RBFOX1: variants seen among roughly 807,000 people sequenced by gnomAD.
RBFOX1 encodes RNA binding fox-1 homolog 1.
RBFOX1 carries 8 observed loss-of-function variants against 57.7 expected under a neutral mutation model. That is an observed-to-expected ratio of 0.14 (90% CI 0.08 to 0.25). The LOEUF is 0.25. RBFOX1 is among the 10% of genes least tolerant of loss of function. The pLI, the probability that RBFOX1 is intolerant of heterozygous loss-of-function variation, is 1.00. For synonymous variants in RBFOX1, 326 were observed against 222.4 expected (o/e 1.47, Z -4.15); for missense variants, 611 against 548.5 (o/e 1.11, Z -1.14).
At chr16:7,051,108 G>T (rs527683819) in intron 3 of RBFOX1, among the ~76,000 whole-genome samples, 4 of 152,082 alleles carry the variant, frequency 2.6e-5, no homozygotes, top group Admixed American at 2.6e-4. Context: ...TGGAAGTCGG[G>T]AGTTGTTTCA....
At chr16:6,420,957 C>G (rs2093754816) in intron 2 of RBFOX1, among the ~76,000 whole-genome samples, 1 of 152,204 alleles carries the variant, frequency 6.6e-6, no homozygotes, top group Non-Finnish European at 1.5e-5. Flanking sequence ...GACTGAAGGG[C>G]TCTTTCTTCC....
chr16:7,280,974 TCC>T (rs2095530916), intron 4 of RBFOX1, among the ~76,000 whole-genome samples: 3 of 29,470 alleles, frequency 1.0e-4, no homozygotes, highest in African/African-American at 3.5e-4. Flanking sequence ...CCTCCCTCCC[TCC>T]CTCCCTCCCT....
At chr16:7,324,133 C>G (rs542271732) in intron 4 of RBFOX1, among the ~76,000 whole-genome samples, 1 of 152,162 alleles carries the variant, frequency 6.6e-6, no homozygotes, top group African/African-American at 2.4e-5. Context: ...ATTTCTCCAA[C>G]TCATTTGTCC....
intron 5 of RBFOX1, among the ~76,000 whole-genome samples, chr16:7,531,444 A>T (rs2080053492): frequency 6.6e-6 from 1 of 152,124 alleles, no homozygotes; most frequent in African/African-American, 2.4e-5. Context: ...ACTATAATTA[A>T]CCCCTTATGG....
chr16:6,246,779 C>G (rs1284562123), intron 1 of RBFOX1, among the ~76,000 whole-genome samples: 1 of 152,130 alleles, frequency 6.6e-6, no homozygotes, highest in Admixed American at 6.6e-5. Context: ...AAACTCCAGT[C>G]CATTGTAGGC....
intron 1 of RBFOX1, among the ~76,000 whole-genome samples, chr16:6,087,464 C>T (rs1290500470): frequency 6.6e-6 from 1 of 152,034 alleles, no homozygotes. Context: ...ACTTTCTAGC[C>T]TTTTTTCTCT....
At chr16:5,904,845 T>C (rs192554714) in intron 4 of RBFOX1, among the ~76,000 whole-genome samples, 3,445 of 151,164 alleles carry the variant, frequency 0.023, 56 homozygotes, top group Middle Eastern at 0.041. Context: ...GGCATGGTGG[T>C]GGGCGCCTGT....
intron 3 of RBFOX1, among the ~76,000 whole-genome samples, chr16:6,735,923 A>G (rs1482950452): frequency 6.7e-6 from 1 of 149,918 alleles, no homozygotes; most frequent in African/African-American, 2.5e-5. Flanking sequence ...TTTTGTCGCC[A>G]TTTTTTTTTT....
chr16:6,114,437 A>G (rs1304565348), intron 1 of RBFOX1, among the ~76,000 whole-genome samples: 1 of 152,212 alleles, frequency 6.6e-6, no homozygotes, highest in Non-Finnish European at 1.5e-5. Context: ...TTTTGTGTGT[A>G]CGTAGCTTTT....
intron 1 of RBFOX1, among the ~76,000 whole-genome samples, chr16:6,284,579 T>A (rs905012375): frequency 6.6e-6 from 1 of 152,172 alleles, no homozygotes; most frequent in African/African-American, 2.4e-5. Flanking sequence ...AACAATATTT[T>A]ATAGCTTTAA....
chr16:7,125,029 G>A (rs1192396331), intron 4 of RBFOX1, among the ~76,000 whole-genome samples: 4 of 152,088 alleles, frequency 2.6e-5, no homozygotes, highest in Admixed American at 6.6e-5. Context: ...GGAGGGGGCC[G>A]GCTTATTAAG....
intron 2 of RBFOX1, among the ~76,000 whole-genome samples, chr16:6,488,788 G>T: frequency 6.6e-6 from 1 of 152,094 alleles, no homozygotes; most frequent in East Asian, 1.9e-4. Context: ...GTCTTTGCGA[G>T]AGGATGACTC....
intron 14 of RBFOX1, among the ~76,000 whole-genome samples, chr16:7,691,091 A>C (rs2077212441): frequency 6.6e-6 from 1 of 152,134 alleles, no homozygotes; most frequent in Admixed American, 6.6e-5. Flanking sequence ...CCTTTCTGGG[A>C]TGTAGTGGGA....
chr16:7,130,209 T>G (rs1330683797), intron 4 of RBFOX1, among the ~76,000 whole-genome samples: 1 of 151,924 alleles, frequency 6.6e-6, no homozygotes, highest in Non-Finnish European at 1.5e-5. Context: ...AATTTTTGTA[T>G]TTTTGGTAGA....
intron 3 of RBFOX1, among the ~76,000 whole-genome samples, chr16:6,751,219 C>G (rs1456380515): frequency 6.6e-6 from 1 of 152,054 alleles, no homozygotes; most frequent in African/African-American, 2.4e-5. Flanking sequence ...GGGTATTGAG[C>G]TCTGATGTAT....
chr16:5,745,158 T>A (rs2052928588), intron 3 of RBFOX1, among the ~76,000 whole-genome samples: 1 of 152,214 alleles, frequency 6.6e-6, no homozygotes, highest in Non-Finnish European at 1.5e-5. Context: ...GTTCTCATTG[T>A]TCAATTCCCA....
intron 1 of RBFOX1, among the ~76,000 whole-genome samples, chr16:6,082,044 G>T (rs1046524388): frequency 1.1e-4 from 16 of 152,102 alleles, no homozygotes; most frequent in Admixed American, 4.6e-4. Flanking sequence ...GTTTTCAACC[G>T]TATGGCTCTG....
At position 5,390,861 on chromosome 16, in the gene RBFOX1, C is replaced by G. The variant is rs915309380; in HGVS notation, c.220-76355C>G. 2.0e-5 allele frequency among the ~76,000 whole-genome samples: 3 copies of G among 152,222 alleles called. No homozygotes were observed. The South Asian group carries it at 6.2e-4, about 32-fold the overall frequency. ...TGAAGCTGTGGCAGCCATCTTGTCA[C>G]CATAAGGGAAAGCTAGGACCCACCC... On this transcript the variant is annotated intron_variant, in intron 1 of 2. Transcript: ENST00000585867.
intron 1 of RBFOX1, among the ~76,000 whole-genome samples, chr16:5,393,156 G>C (rs1248107535): frequency 1.3e-5 from 2 of 152,086 alleles, no homozygotes; most frequent in Non-Finnish European, 2.9e-5. Context: ...TTCTGTCCCT[G>C]CCCCCTCATC....
Sources: gnomAD v4.1 joint callset for allele counts (sites outside exome capture counted in the v4.1 genomes callset) on GRCh38, gnomAD v4.1.1 for gene constraint, MANE v1.5 for transcripts, NCBI Gene and HGNC (gene_info 2026-07-23, HGNC 2026-07-21) for gene names.